The following CRY1 variants were observed in gnomAD, a reference collection of about 807,000 sequenced individuals.
The protein encoded by CRY1 is cryptochrome-1.
In CRY1, 45 loss-of-function variants were observed where a neutral mutation model predicts 76.0. That is an observed-to-expected ratio of 0.59 (90% CI 0.47 to 0.76). The LOEUF (loss-of-function observed/expected upper bound fraction) is 0.76. CRY1 is among the 30% of genes least tolerant of loss of function. The pLI is 0.00. For synonymous variants in CRY1, 248 were observed against 244.0 expected (o/e 1.02, Z -0.15); for missense variants, 587 against 716.4 (o/e 0.82, Z 2.06).
chr12:107,022,196 G>A lies in CRY1; in HGVS notation c.159-4C>T. The A allele has an allele frequency of 6.7e-7, 1 of 1,500,310 alleles. No homozygotes were observed. The highest frequency in any genetic ancestry group is 9.1e-7 in the Non-Finnish European group (1 of 1,097,166). The allele number at this position is 1,500,310 out of a possible 1,614,324, so 92.9% of individuals were successfully genotyped here. On this transcript the variant is annotated splice_polypyrimidine_tract_variant and splice_region_variant and intron_variant, in intron 1 of 12. Coordinates refer to ENST00000008527, the MANE Select transcript of CRY1 (RefSeq NM_004075.5). ...CTCAAGACACTGAAGCAAAAATCTA[G>A]AGAGAAGAAAGTATTATTTAAATTA...
At chr12:107,045,824 G>C (rs139090005) in intron 1 of CRY1, among the ~76,000 whole-genome samples, 1 of 151,998 alleles carries the variant, frequency 6.6e-6, no homozygotes, top group South Asian at 2.1e-4. Context: ...TGCGGGGAGC[G>C]GGGGAGGGAT....
chr12:107,074,814 A>G (rs948329248), intron 1 of CRY1, among the ~76,000 whole-genome samples: 4 of 152,358 alleles, frequency 2.6e-5, no homozygotes, highest in Admixed American at 1.3e-4. Context: ...CAGGAGTTCA[A>G]GAAAAGCCTG....
rs1952244496 is a variant in CRY1, at chr12:106,997,368, G to A, written c.1511C>T (p.Pro504Leu). 1 of 1,613,782 alleles carries A rather than the reference G, an allele frequency of 6.2e-7. No individual in the cohort carries two copies. Among genetic ancestry groups the A allele is most frequent in the Admixed American group, 1.7e-5 (1 of 59,990 alleles). The change falls in exon 10 of 13, where the codon CCT becomes CTT. Residue 504 changes from proline (P) to leucine (L), a missense_variant. Pro to Leu is a moderately conservative substitution (Grantham distance 98). Coordinates refer to ENST00000008527, the MANE Select transcript of CRY1 (RefSeq NM_004075.5). ...YRGLGLLASV[P>L]SNPNGNGGFM... ...GCCTCCATTCCCATTAGGATTAGAA[G>A]GTACTGATGCCAGAAGACCTAAAGG...
At chr12:107,026,357 A>G (rs2136851034) in intron 1 of CRY1, among the ~76,000 whole-genome samples, 1 of 150,308 alleles carries the variant, frequency 6.7e-6, no homozygotes, top group East Asian at 2.0e-4. Context: ...TCAGCCTCCC[A>G]AGCAGCTGGG....
At chr12:107,021,981 T>A in intron 2 of CRY1, 103 bp downstream of exon 2, 1 of 871,486 alleles carries the variant, frequency 1.1e-6, no homozygotes. Flanking sequence ...TACTTGAAAA[T>A]ACTTATATTC....
intron 1 of CRY1, among the ~76,000 whole-genome samples, chr12:107,078,717 C>T (rs750115940): frequency 6.6e-6 from 1 of 152,140 alleles, no homozygotes; most frequent in African/African-American, 2.4e-5. Flanking sequence ...TGGTCAACAA[C>T]CTAAACTCAC....
chr12:107,026,340 T>TTGCGCCTCAGCCTCCC (rs967137350), intron 1 of CRY1, among the ~76,000 whole-genome samples: 4 of 151,002 alleles, frequency 2.6e-5, no homozygotes, highest in African/African-American at 9.8e-5. Context: ...CAGGCAATTC[T>TTGCGCCTCAGCCTCCC]TGCGCCTCAG....
At chr12:107,043,661 G>A (rs1246372485) in intron 1 of CRY1, among the ~76,000 whole-genome samples, 1 of 152,176 alleles carries the variant, frequency 6.6e-6, no homozygotes, top group East Asian at 1.9e-4. Flanking sequence ...AGTGTGAGTT[G>A]CTGAGATACC....
intron 1 of CRY1, among the ~76,000 whole-genome samples, chr12:107,038,127 T>C (rs1952758020): frequency 6.6e-6 from 1 of 152,118 alleles, no homozygotes; most frequent in African/African-American, 2.4e-5. Flanking sequence ...AGAGAGATGA[T>C]GATGACATGG....
intron 1 of CRY1, among the ~76,000 whole-genome samples, chr12:107,037,683 T>C (rs984087194): frequency 6.6e-6 from 1 of 151,160 alleles, no homozygotes; most frequent in Non-Finnish European, 1.5e-5. Context: ...TATAAATTTG[T>C]TTTTTAGAAA....
At chr12:107,021,832 C>T (rs1414397587) in intron 2 of CRY1, among the ~76,000 whole-genome samples, 1 of 152,036 alleles carries the variant, frequency 6.6e-6, no homozygotes, top group Non-Finnish European at 1.5e-5. Context: ...CTGGTAGTAG[C>T]TGTTGCTTCT....
intron 3 of CRY1, 59 bp downstream of exon 3, chr12:107,005,047 A>T (rs530912825): frequency 4.0e-6 from 6 of 1,517,290 alleles, no homozygotes; most frequent in Admixed American, 1.9e-5. Flanking sequence ...AAAATGGTTA[A>T]GATGGTAAAT....
At chr12:107,017,705 T>A (rs1357032164) in intron 2 of CRY1, among the ~76,000 whole-genome samples, 1 of 152,224 alleles carries the variant, frequency 6.6e-6, no homozygotes, top group Non-Finnish European at 1.5e-5. Context: ...TAAAAACAAG[T>A]TGTAAGGGCA....
intron 3 of CRY1, among the ~76,000 whole-genome samples, chr12:107,004,644 A>G (rs1159072789): frequency 1.3e-5 from 2 of 152,240 alleles, no homozygotes; most frequent in South Asian, 2.1e-4. Context: ...GTTATATTAC[A>G]TCCAATTTGC....
At chr12:107,049,369 T>C (rs1952889303) in intron 1 of CRY1, among the ~76,000 whole-genome samples, 1 of 152,168 alleles carries the variant, frequency 6.6e-6, no homozygotes, top group African/African-American at 2.4e-5. Context: ...CACAAATTCT[T>C]ACTATCTTTT....
chr12:107,086,839 T>G (rs986065320), intron 1 of CRY1, among the ~76,000 whole-genome samples: 1 of 152,242 alleles, frequency 6.6e-6, no homozygotes, highest in Non-Finnish European at 1.5e-5. Context: ...AGGGGAAATA[T>G]GGGGTTACAG....
intron 2 of CRY1, among the ~76,000 whole-genome samples, chr12:107,019,422 A>C (rs145351754): frequency 0.013 from 1,906 of 152,308 alleles, 20 homozygotes; most frequent in Non-Finnish European, 0.021. Flanking sequence ...CTATATGTAT[A>C]TGTATGTGTT....
intron 1 of CRY1, among the ~76,000 whole-genome samples, chr12:107,075,348 A>C (rs1285017475): frequency 6.6e-6 from 1 of 152,220 alleles, no homozygotes; most frequent in Non-Finnish European, 1.5e-5. Context: ...TAGAAAATGA[A>C]ACTGAATGCT....
In CRY1 at chr12:106,997,281, C is replaced by A. The variant is rs753825929; in HGVS notation, c.1585+13G>T. 1.9e-6 allele frequency: 3 copies of A among 1,607,476 alleles called. No homozygotes were observed. The South Asian group carries it at 3.3e-5, about 18-fold the overall frequency. On this transcript the variant is annotated intron_variant, in intron 10 of 12. Coordinates refer to ENST00000008527, the MANE Select transcript of CRY1 (RefSeq NM_004075.5). ...TTCATGTTACTAAGTGCAGAAATTTCCTTTTCACTTACTTCCACTGCTGCT... is the reference window on the plus strand; with the variant it reads ...TTCATGTTACTAAGTGCAGAAATTTACTTTTCACTTACTTCCACTGCTGCT...
Sources: gnomAD v4.1 joint callset for allele counts (sites outside exome capture counted in the v4.1 genomes callset) on GRCh38, gnomAD v4.1.1 for gene constraint, MANE v1.5 for transcripts, NCBI Gene and HGNC (gene_info 2026-07-23, HGNC 2026-07-21) for gene names.